Variants in SLC41A3 observed in about 807,000 individuals in gnomAD.
SLC41A3 encodes the protein SLC41A1-like 2.
SLC41A3 carries 44 observed loss-of-function variants against 45.4 expected under a neutral mutation model. That is an observed-to-expected ratio of 0.97 (90% CI 0.76 to 1.25). The LOEUF (loss-of-function observed/expected upper bound fraction) is 1.25, where lower values mean the gene tolerates loss of function less well. Among genes scored for constraint, SLC41A3 ranks in the 50% most tolerant of loss-of-function variants. The probability of loss-of-function intolerance (pLI) is 0.00; values close to 1 mark genes in which losing one functional copy is unlikely to be tolerated. For synonymous variants in SLC41A3, 256 were observed against 252.4 expected (o/e 1.01, Z -0.13); for missense variants, 550 against 600.6 (o/e 0.92, Z 0.88).
At chr3:126,020,111 G>T (rs1940700703) in intron 6 of SLC41A3, among the ~76,000 whole-genome samples, 1 of 152,142 alleles carries the variant, frequency 6.6e-6, no homozygotes, top group South Asian at 2.1e-4. Flanking sequence ...CATGGACCTA[G>T]GTTTATGACT....
At chr3:126,024,980 T>G (rs1941216602) in intron 5 of SLC41A3, 2 of 152,354 alleles carry the variant, frequency 1.3e-5, no homozygotes, top group South Asian at 4.1e-4. Flanking sequence ...AACAGGACAC[T>G]AACGTAAAGC....
At chr3:126,035,045 G>A (rs373223807) in intron 3 of SLC41A3, among the ~76,000 whole-genome samples, 11 of 152,238 alleles carry the variant, frequency 7.2e-5, no homozygotes, top group Non-Finnish European at 1.6e-4. Context: ...GAGGTAAAGC[G>A]GTGAGGGCAG....
At chr3:126,015,685 T>C in intron 7 of SLC41A3, 112 bp from the exon 8 acceptor site, 7 of 1,011,108 alleles carry the variant, frequency 6.9e-6, no homozygotes, top group Admixed American at 5.7e-5. Context: ...TGGCTGTCAC[T>C]CTCCTCTCCC....
At chr3:126,042,619 T>A (rs1205007158) in intron 3 of SLC41A3, among the ~76,000 whole-genome samples, 2 of 152,244 alleles carry the variant, frequency 1.3e-5, no homozygotes, top group East Asian at 1.9e-4. Context: ...GTCTTAAATA[T>A]GTTCAGTGAG....
chr3:126,062,443 C>T (rs955324844), intron 2 of SLC41A3, among the ~76,000 whole-genome samples: 1 of 152,232 alleles, frequency 6.6e-6, no homozygotes, highest in African/African-American at 2.4e-5. Flanking sequence ...TGCCATCACA[C>T]ACAGTCATGC....
At chr3:126,092,110 C>T (rs554329197) in intron 1 of SLC41A3, among the ~76,000 whole-genome samples, 2 of 152,192 alleles carry the variant, frequency 1.3e-5, no homozygotes, top group Non-Finnish European at 2.9e-5. Flanking sequence ...GGAACAGGCC[C>T]CCCAAAACCT....
chr3:126,059,287 A>AAAGAGAGAGAAAG (rs1943903786), intron 2 of SLC41A3, among the ~76,000 whole-genome samples: 2 of 127,144 alleles, frequency 1.6e-5, no homozygotes, highest in Non-Finnish European at 3.5e-5. Context: ...AGAAAGAAAG[A>AAAGAGAGAGAAAG]AAGAAAGAAA....
chr3:126,033,044 T>C (rs2107768713), intron 4 of SLC41A3, among the ~76,000 whole-genome samples: 1 of 152,284 alleles, frequency 6.6e-6, no homozygotes. Context: ...GGATAAGAGC[T>C]CAGTGGAACT....
chr3:126,038,840 T>C (rs192656619), intron 3 of SLC41A3, among the ~76,000 whole-genome samples: 1 of 152,300 alleles, frequency 6.6e-6, no homozygotes, highest in East Asian at 1.9e-4. Context: ...AAATCTCATG[T>C]TGAAATGTGA....
intron 3 of SLC41A3, among the ~76,000 whole-genome samples, chr3:126,049,556 A>AT (rs1283669549): frequency 6.6e-6 from 1 of 152,020 alleles, no homozygotes; most frequent in Non-Finnish European, 1.5e-5. Flanking sequence ...TACTATCAAC[A>AT]TTTTTTTCCC....
chr3:126,100,459 C>G (rs1166507055), intron 1 of SLC41A3, among the ~76,000 whole-genome samples: 1 of 152,160 alleles, frequency 6.6e-6, no homozygotes, highest in Admixed American at 6.5e-5. Context: ...CTGGATCCAG[C>G]GTGCTGCCAC....
chr3:126,067,986 C>T lies in SLC41A3; in HGVS notation c.234G>A (p.Leu78=), dbSNP rs758512446. Residue 78 remains leucine, a synonymous_variant, in exon 2 of 11, where the codon CTG becomes CTA. Transcript: ENST00000360370. ...GAAGCATGCCGGCCCAGGACAGTCC[C>T]AGGCCTGCAAACATGAAGGGCACGG... is the stretch of plus-strand genomic sequence containing the variant. ...QVTVPFMFAG[L]GLSWAGMLLD... is the part of the protein sequence containing the mutation. The T allele has an allele frequency of 5.0e-6, 8 of 1,613,652 alleles. No homozygotes were observed. In the South Asian group the frequency reaches 7.7e-5, roughly 16 times the overall value.
At chr3:126,041,103 T>G (rs1942561705) in intron 3 of SLC41A3, among the ~76,000 whole-genome samples, 1 of 152,172 alleles carries the variant, frequency 6.6e-6, no homozygotes, top group African/African-American at 2.4e-5. Flanking sequence ...ATTAGATGAC[T>G]TCAATAGCAC....
At position 126,013,701 on chromosome 3, in the gene SLC41A3, CGTT is replaced by C. The variant is rs1413538417; in HGVS notation, c.971-955_971-953del. Among the ~76,000 whole-genome samples, 3 of 152,272 alleles carry C rather than the reference CGTT, an allele frequency of 2.0e-5. No homozygotes were observed. The East Asian group carries it at 5.8e-4, about 29-fold the overall frequency. ...TGGTCTGAGAGCGTTGAAGAAAAGA[CGTT>C]GTCTGCTGCATGATTTCAATTTGTG... On this transcript the variant is annotated intron_variant, in intron 8 of 10. Coordinates refer to ENST00000360370, the MANE Select transcript of SLC41A3 (RefSeq NM_017836.4).
chr3:126,020,304 G>A (rs1040662801), intron 6 of SLC41A3, among the ~76,000 whole-genome samples: 1 of 152,086 alleles, frequency 6.6e-6, no homozygotes, highest in Non-Finnish European at 1.5e-5. Context: ...GGCCTGTGAT[G>A]GGAGGGGGGG....
intron 6 of SLC41A3, among the ~76,000 whole-genome samples, chr3:126,018,947 G>C (rs1360957962): frequency 6.6e-6 from 1 of 152,238 alleles, no homozygotes; most frequent in African/African-American, 2.4e-5. Flanking sequence ...TAATACAGCA[G>C]GGTCCTTCCT....
upstream of SLC41A3, among the ~76,000 whole-genome samples, chr3:126,089,189 C>G (rs1050605512): frequency 3.3e-5 from 5 of 152,126 alleles, no homozygotes; most frequent in Non-Finnish European, 7.3e-5. Flanking sequence ...TACATGGTTG[C>G]CCCTCCCACA....
chr3:126,034,683 C>G (rs1270344078), intron 3 of SLC41A3, among the ~76,000 whole-genome samples: 2 of 152,214 alleles, frequency 1.3e-5, no homozygotes, highest in Non-Finnish European at 2.9e-5. Flanking sequence ...CAATGACTCA[C>G]CCCTCTTCTG....
chr3:126,052,477 C>A (rs980098139), intron 2 of SLC41A3, among the ~76,000 whole-genome samples: 2 of 152,194 alleles, frequency 1.3e-5, no homozygotes, highest in African/African-American at 4.8e-5. Flanking sequence ...TTTCAGCCTG[C>A]GCCACCCAGC....
Sources: allele counts gnomAD v4.1 joint callset (sites outside exome capture counted in the v4.1 genomes callset), GRCh38; gene constraint gnomAD v4.1.1; transcripts MANE v1.5; gene names NCBI Gene and HGNC (gene_info 2026-07-23, HGNC 2026-07-21).